Variants in ERC1 observed in about 807,000 individuals in gnomAD.
ERC1 encodes the protein RAB6 interacting protein 2.
Under a neutral mutation model 132.0 loss-of-function variants are expected in ERC1, and 56 were observed. The observed-to-expected ratio is 0.42, with a 90% confidence interval of 0.34 to 0.53. ERC1 has a LOEUF of 0.53. Ranked by LOEUF, ERC1 falls within the 20% of genes least tolerant of loss-of-function variation. The pLI is 0.03. For missense variants in ERC1, 1,202 were observed against 1,349.9 expected (o/e 0.89, Z 1.72); for synonymous variants, 478 against 476.1 (o/e 1.00, Z -0.05).
intron 8 of ERC1, among the ~76,000 whole-genome samples, chr12:1,161,423 G>A (rs146346613): frequency 5.9e-5 from 9 of 152,158 alleles, no homozygotes; most frequent in Admixed American, 2.0e-4. Flanking sequence ...TTAAACATTC[G>A]TAATATACGC....
chr12:1,395,184 TGTTTTTGAACA>T (rs2090425410), intron 16 of ERC1, among the ~76,000 whole-genome samples: 1 of 152,232 alleles, frequency 6.6e-6, no homozygotes, highest in African/African-American at 2.4e-5. Flanking sequence ...AACCACTCTT[TGTTTTTGAACA>T]GTTTCATTTT....
intron 18 of ERC1, among the ~76,000 whole-genome samples, chr12:1,480,481 G>A (rs2094066983): frequency 6.6e-6 from 1 of 152,120 alleles, no homozygotes; most frequent in Non-Finnish European, 1.5e-5. Flanking sequence ...TTACTTGCCA[G>A]TATTAGAAAA....
chr12:1,339,983 A>G (rs149151823), intron 15 of ERC1, among the ~76,000 whole-genome samples: 42 of 152,260 alleles, frequency 2.8e-4, no homozygotes, highest in African/African-American at 9.6e-4. Context: ...CCACGTACAC[A>G]TGTGCTGGCA....
At chr12:1,092,284 A>G (rs1331632777) in intron 3 of ERC1, among the ~76,000 whole-genome samples, 2 of 152,212 alleles carry the variant, frequency 1.3e-5, no homozygotes, top group Admixed American at 1.3e-4. Flanking sequence ...GGCGTGAGCC[A>G]CCGCGCCCGG....
intron 15 of ERC1, among the ~76,000 whole-genome samples, chr12:1,357,074 A>C (rs993052643): frequency 1.3e-5 from 2 of 152,158 alleles, no homozygotes; most frequent in African/African-American, 4.8e-5. Context: ...AGCTTTCATA[A>C]GCTTCCTATA....
intron 17 of ERC1, among the ~76,000 whole-genome samples, chr12:1,440,529 A>G (rs1310475259): frequency 7.1e-6 from 1 of 140,832 alleles, no homozygotes; most frequent in African/African-American, 2.7e-5. Flanking sequence ...TTTAATAGAG[A>G]CAGAGTCTTG....
chr12:1,478,128 G>A (rs1421864297), intron 18 of ERC1, among the ~76,000 whole-genome samples: 1 of 152,174 alleles, frequency 6.6e-6, no homozygotes, highest in Non-Finnish European at 1.5e-5. Context: ...ACTGCCAGAT[G>A]TTTTTCTAAA....
chr12:1,176,566 G>T (rs74697487), intron 8 of ERC1, among the ~76,000 whole-genome samples: 3 of 148,214 alleles, frequency 2.0e-5, no homozygotes, highest in Admixed American at 6.7e-5. Context: ...TGTTTTCTTT[G>T]TTTTTTTTTT....
At chr12:1,484,734 T>A (rs557508100) in intron 18 of ERC1, among the ~76,000 whole-genome samples, 2 of 151,664 alleles carry the variant, frequency 1.3e-5, no homozygotes, top group African/African-American at 4.8e-5. Flanking sequence ...CACGCCACCA[T>A]GCCCGGCTAA....
At chr12:1,200,757 A>G (rs1956837781) in intron 12 of ERC1, among the ~76,000 whole-genome samples, 1 of 151,868 alleles carries the variant, frequency 6.6e-6, no homozygotes, top group Non-Finnish European at 1.5e-5. Flanking sequence ...ATGGGGTTTC[A>G]CCGTGTTAGC....
chr12:1,022,791 T>C (rs1279919283), intron 1 of ERC1, among the ~76,000 whole-genome samples: 2 of 152,098 alleles, frequency 1.3e-5, no homozygotes, highest in Non-Finnish European at 2.9e-5. Context: ...GTAATATTTG[T>C]ATTTTTAGTA....
intron 2 of ERC1, among the ~76,000 whole-genome samples, chr12:1,040,207 T>G (rs1969941150): frequency 6.6e-6 from 1 of 152,220 alleles, no homozygotes; most frequent in South Asian, 2.1e-4. Context: ...ATTTTGTTTT[T>G]GAAAATGTTC....
At chr12:1,375,421 C>T (rs756001693) in intron 16 of ERC1, among the ~76,000 whole-genome samples, 17 of 152,292 alleles carry the variant, frequency 1.1e-4, no homozygotes, top group South Asian at 2.1e-4. Flanking sequence ...GATTACAATT[C>T]GAGGTGAGAT....
At chr12:1,319,968 A>C (rs977646395) in intron 15 of ERC1, among the ~76,000 whole-genome samples, 2 of 152,122 alleles carry the variant, frequency 1.3e-5, no homozygotes, top group Non-Finnish European at 2.9e-5. Context: ...ACAATGTTAG[A>C]TATATTGTTC....
At chr12:1,450,881 TTG>T (rs1331816356) in intron 18 of ERC1, among the ~76,000 whole-genome samples, 1 of 152,358 alleles carries the variant, frequency 6.6e-6, no homozygotes, top group East Asian at 1.9e-4. Context: ...TCACATAGTT[TTG>T]ATTTGCATTT....
chr12:1,213,520 C>G lies in ERC1; in HGVS notation c.2352-23249C>G, dbSNP rs542253934. Among the ~76,000 whole-genome samples the G allele has an allele frequency of 9.9e-5, 15 of 152,010 alleles. No homozygotes were observed. In the South Asian group the frequency reaches 2.9e-3, roughly 30 times the overall value. On this transcript the variant is annotated intron_variant, in intron 12 of 18. Coordinates refer to ENST00000360905, the MANE Select transcript of ERC1 (RefSeq NM_178040.4). ...GGGAGGTCGAGGTGGGCGGATCACT[C>G]AAGCTTAGGAGTTTGAGACTAGCAG...
Position 1,231,271 on chromosome 12 carries a change from C to G in ERC1, c.2352-5498C>G, listed in dbSNP as rs575466814. Among the ~76,000 whole-genome samples, 5 of 152,146 alleles carry G rather than the reference C, an allele frequency of 3.3e-5. No homozygotes were observed. In the South Asian group the frequency reaches 1.0e-3, roughly 32 times the overall value. On this transcript the variant is annotated intron_variant, in intron 12 of 18. Transcript: ENST00000360905. ...TTAGGCTGTTTTAAGGTTGTAATAA[C>G]TAAACTTTAATTACCTACAAAAATT... is the stretch of plus-strand genomic sequence containing the variant.
chr12:1,379,827 T>C (rs2088420175), intron 16 of ERC1, among the ~76,000 whole-genome samples: 1 of 152,156 alleles, frequency 6.6e-6, no homozygotes, highest in Non-Finnish European at 1.5e-5. Context: ...TTCTGCCTTA[T>C]TCTGTTCACA....
At chr12:991,635 C>G (rs1209510069) in intron 1 of ERC1, 1 of 148,076 alleles carries the variant, frequency 6.8e-6, no homozygotes, top group Non-Finnish European at 1.5e-5. Flanking sequence ...TGTGGGGATC[C>G]TGGGGCGGGA....
Sources: allele counts gnomAD v4.1 joint callset (sites outside exome capture counted in the v4.1 genomes callset), GRCh38; gene constraint gnomAD v4.1.1; transcripts MANE v1.5; gene names NCBI Gene and HGNC (gene_info 2026-07-23, HGNC 2026-07-21).